The following DSCAML1 variants were observed in gnomAD, a reference collection of about 807,000 sequenced individuals.
DSCAML1 encodes the protein DS cell adhesion molecule like 1.
In DSCAML1, 38 loss-of-function variants were observed where a neutral mutation model predicts 200.5. The ratio of observed to expected loss-of-function variants is 0.19; its 90% CI spans 0.15 to 0.25. The LOEUF is 0.25. Ranked by LOEUF, DSCAML1 falls within the 10% of genes least tolerant of loss-of-function variation. The pLI, the probability that DSCAML1 is intolerant of heterozygous loss-of-function variation, is 1.00. For missense variants in DSCAML1, 2,223 were observed against 2,858.8 expected (o/e 0.78, Z 5.07); for synonymous variants, 1,215 against 1,165.0 (o/e 1.04, Z -0.87).
intron 3 of DSCAML1, among the ~76,000 whole-genome samples, chr11:117,742,085 T>C (rs2054431973): frequency 6.6e-6 from 1 of 152,170 alleles, no homozygotes; most frequent in East Asian, 1.9e-4. Flanking sequence ...GGCCCATTGC[T>C]AGATGACAGA....
chr11:117,562,017 A>C (rs1334374646), intron 3 of DSCAML1, among the ~76,000 whole-genome samples: 3 of 152,202 alleles, frequency 2.0e-5, no homozygotes, highest in South Asian at 2.1e-4. Context: ...GACAGTGGGA[A>C]GCAGGGGCAG....
chr11:117,611,558 T>G (rs1269363785), intron 3 of DSCAML1: 1 of 152,240 alleles, frequency 6.6e-6, no homozygotes, highest in African/African-American at 2.4e-5. Flanking sequence ...ATTGAATGAC[T>G]GAACAAAAGT....
rs576210998 is a variant in DSCAML1, at chr11:117,780,484, G to C, written c.364+9C>G. 38 of 1,443,178 alleles carry C rather than the reference G, an allele frequency of 2.6e-5. No homozygotes were observed. The South Asian group carries it at 6.0e-4, about 23-fold the overall frequency. The allele number at this position is 1,443,178 out of a possible 1,614,324, so 89.4% of individuals were successfully genotyped here. A position where few individuals can be genotyped will look rare whatever the true frequency, so the allele number is the denominator to read the frequency against. The stretch of plus-strand genomic sequence containing the variant: ...GTGCCACTGGGGCAGCCAGTGTCTT[G>C]TCCCTTACCTGCTTTGACGCGGATG... On this transcript the variant is annotated intron_variant, in intron 2 of 32. Coordinates refer to ENST00000651296, the MANE Select transcript of DSCAML1 (RefSeq NM_020693.4). This position sits in a 1 kb window ranked among gnomAD's most constrained non-coding sequence, Gnocchi z 4.8.
At chr11:117,717,252 C>T (rs746425008) in intron 3 of DSCAML1, among the ~76,000 whole-genome samples, 12 of 152,122 alleles carry the variant, frequency 7.9e-5, no homozygotes, top group Admixed American at 2.0e-4. Context: ...CCCACCCTAC[C>T]GGTCCCCTCC....
intron 3 of DSCAML1, among the ~76,000 whole-genome samples, chr11:117,738,069 C>T (rs928159557): frequency 1.1e-4 from 16 of 152,150 alleles, no homozygotes; most frequent in Admixed American, 9.8e-4. Flanking sequence ...CTGCCTGAAA[C>T]AGGCAGAATG....
intron 3 of DSCAML1, among the ~76,000 whole-genome samples, chr11:117,664,887 C>T (rs2052940772): frequency 6.6e-6 from 1 of 152,224 alleles, no homozygotes; most frequent in African/African-American, 2.4e-5. Flanking sequence ...TTGTCCCTTT[C>T]ACGGCCGCGT....
At chr11:117,641,367 G>A (rs1041390826) in intron 3 of DSCAML1, among the ~76,000 whole-genome samples, 1 of 152,188 alleles carries the variant, frequency 6.6e-6, no homozygotes, top group Non-Finnish European at 1.5e-5. Flanking sequence ...CATCCTCTGC[G>A]ATCACATTAG....
intron 1 of DSCAML1, among the ~76,000 whole-genome samples, chr11:117,804,566 C>CT (rs747697564): frequency 6.6e-5 from 10 of 152,232 alleles, no homozygotes; most frequent in Non-Finnish European, 8.8e-5. Flanking sequence ...GGCTACGTAT[C>CT]TTTTTTCTTT....
chr11:117,490,055 C>T (rs1174415379), intron 11 of DSCAML1, among the ~76,000 whole-genome samples: 1 of 152,176 alleles, frequency 6.6e-6, no homozygotes, highest in Non-Finnish European at 1.5e-5. Flanking sequence ...TGCGGAAACT[C>T]CAGATTTCCT....
chr11:117,516,422 G>T lies in DSCAML1; in HGVS notation c.1783+45C>A. On this transcript the variant is annotated intron_variant, in intron 8 of 32. Transcript: ENST00000651296. This position sits in a 1 kb window ranked among gnomAD's most constrained non-coding sequence, Gnocchi z 5.7. Reference sequence around the variant, plus strand: ...AGCTGGGGAAAGGCCCACGCATCCTGGGTGGTCAGGCGGGCAGGGGCCCTG... The same window carrying T: ...AGCTGGGGAAAGGCCCACGCATCCTTGGTGGTCAGGCGGGCAGGGGCCCTG... 1 of 1,586,254 alleles carries T rather than the reference G, an allele frequency of 6.3e-7. No individual in the cohort carries two copies.
intron 5 of DSCAML1, among the ~76,000 whole-genome samples, chr11:117,523,002 G>A (rs529174460): frequency 1.3e-5 from 2 of 152,282 alleles, no homozygotes; most frequent in African/African-American, 4.8e-5. Context: ...ATCTGGAAGT[G>A]GTGACTTGCT....
intron 3 of DSCAML1, among the ~76,000 whole-genome samples, chr11:117,537,306 G>T (rs1202386944): frequency 6.6e-6 from 1 of 152,238 alleles, no homozygotes; most frequent in Admixed American, 6.5e-5. Context: ...CCTGGACTTG[G>T]TCTCTGCCCT....
chr11:117,801,380 C>T (rs2055655776), upstream of DSCAML1: 1 of 152,248 alleles, frequency 6.6e-6, no homozygotes. Context: ...CCCCCTCCTA[C>T]CCCACATAGG....
At chr11:117,445,744 C>T (rs1390228215) in intron 20 of DSCAML1, among the ~76,000 whole-genome samples, 1 of 152,112 alleles carries the variant, frequency 6.6e-6, no homozygotes, top group East Asian at 1.9e-4. Context: ...CAGTGTATAC[C>T]TGAGTGTATA....
rs1473353645 is a variant in DSCAML1, at chr11:117,504,958, G to A, written c.2148C>T (p.Tyr716=). 6.2e-7 allele frequency: 1 copy of A among 1,611,154 alleles called. No homozygotes were observed. Among genetic ancestry groups the A allele is most frequent in the African/African-American group, 1.3e-5 (1 of 75,004 alleles). ...GCTTCCACATGACCTTGGGTGGGGG[G>A]TAGCCGTCCACCGAGCAGTTGAGCA... ...AGVLNCSVDG[Y]PPPKVMWKHA... is the part of the protein sequence containing the mutation. Residue 716 remains tyrosine (Y), a synonymous_variant, in exon 10 of 33, where the codon TAC becomes TAT. Transcript: ENST00000651296. This position sits in a 1 kb window ranked among gnomAD's most constrained non-coding sequence, Gnocchi z 5.0.
At chr11:117,689,756 C>G (rs999486261) in intron 3 of DSCAML1, among the ~76,000 whole-genome samples, 2 of 152,220 alleles carry the variant, frequency 1.3e-5, no homozygotes, top group East Asian at 3.8e-4. Flanking sequence ...ATGCAGCTGC[C>G]TCTGTCGAGC....
chr11:117,467,379 C>A (rs945716790), intron 16 of DSCAML1, among the ~76,000 whole-genome samples: 10 of 152,200 alleles, frequency 6.6e-5, no homozygotes, highest in Non-Finnish European at 5.9e-5. Context: ...GACAGAACAC[C>A]CACCCCAGCG....
chr11:117,766,522 AATG>A (rs772103655), intron 3 of DSCAML1, among the ~76,000 whole-genome samples: 1 of 152,216 alleles, frequency 6.6e-6, no homozygotes, highest in Non-Finnish European at 1.5e-5. Flanking sequence ...GAGGTAGTCT[AATG>A]ATGATTTATG....
At chr11:117,485,662 C>G (rs1181259508) in intron 11 of DSCAML1, among the ~76,000 whole-genome samples, 1 of 152,240 alleles carries the variant, frequency 6.6e-6, no homozygotes, top group Admixed American at 6.5e-5. Flanking sequence ...CCAAGGGGTT[C>G]CATCAAGACA....
Sources: allele counts gnomAD v4.1 joint callset (sites outside exome capture counted in the v4.1 genomes callset), GRCh38; gene constraint gnomAD v4.1.1; non-coding constraint Gnocchi (gnomAD v3.1); transcripts MANE v1.5; gene names NCBI Gene and HGNC (gene_info 2026-07-23, HGNC 2026-07-21).